The following NCKAP5 variants were observed in gnomAD, a reference collection of about 807,000 sequenced individuals.
NCKAP5 encodes NCK associated protein 5.
A neutral mutation model predicts 167.0 loss-of-function variants in NCKAP5; 92 were observed. The observed-to-expected ratio is 0.55, with a 90% CI of 0.47 to 0.66. The LOEUF (loss-of-function observed/expected upper bound fraction) is 0.66, where lower values mean the gene tolerates loss of function less well. Among genes scored for constraint, NCKAP5 ranks in the 30% least tolerant of loss-of-function variants. NCKAP5 has a pLI of 0.00. For missense variants in NCKAP5, 2,378 were observed against 2,315.0 expected (o/e 1.03, Z -0.56); for synonymous variants, 891 against 877.4 (o/e 1.02, Z -0.27).
chr2:132,931,086 C>G (rs1158082124), intron 8 of NCKAP5: 1 of 152,134 alleles, frequency 6.6e-6, no homozygotes, highest in Non-Finnish European at 1.5e-5. Flanking sequence ...CTCTGGCTAC[C>G]CTGACTTTTA....
At chr2:132,748,308 A>G (rs1679820254) in intron 16 of NCKAP5, among the ~76,000 whole-genome samples, 1 of 152,208 alleles carries the variant, frequency 6.6e-6, no homozygotes. Context: ...ACAAATTTGT[A>G]TCTCTTGGAA....
intron 3 of NCKAP5, among the ~76,000 whole-genome samples, chr2:133,361,093 T>A (rs899579979): frequency 1.3e-5 from 2 of 151,928 alleles, no homozygotes; most frequent in Non-Finnish European, 2.9e-5. Context: ...TACCACAGGG[T>A]TAACCAAAGG....
At chr2:133,352,006 TC>T (rs1277805366) in intron 3 of NCKAP5, among the ~76,000 whole-genome samples, 4 of 152,136 alleles carry the variant, frequency 2.6e-5, no homozygotes, top group Admixed American at 6.6e-5. Context: ...TCCAAGGTTT[TC>T]CATTTTCTAT....
intron 16 of NCKAP5, among the ~76,000 whole-genome samples, chr2:132,765,988 A>C (rs1681440693): frequency 6.6e-6 from 1 of 152,132 alleles, no homozygotes; most frequent in African/African-American, 2.4e-5. Flanking sequence ...AATGAAAATC[A>C]TGAGGAATGT....
intron 3 of NCKAP5, among the ~76,000 whole-genome samples, chr2:133,316,381 G>A (rs1450577908): frequency 6.6e-6 from 1 of 152,108 alleles, no homozygotes; most frequent in East Asian, 1.9e-4. Context: ...ACTCTTTTAG[G>A]AAAACCTAGA....
At chr2:133,434,729 T>C (rs1288873875) in intron 3 of NCKAP5, among the ~76,000 whole-genome samples, 2 of 152,214 alleles carry the variant, frequency 1.3e-5, no homozygotes, top group Non-Finnish European at 1.5e-5. Context: ...TTCCAGCACA[T>C]AGTAGGTGAT....
At position 132,785,159 on chromosome 2, in the gene NCKAP5, C is replaced by A. The variant is rs1364115106; in HGVS notation, c.1652G>T (p.Cys551Phe). The change falls in exon 14 of 20, where the codon TGC becomes TTC. Residue 551 changes from cysteine (C) to phenylalanine (F), a missense_variant. Transcript: ENST00000409261. ...ASSCPLEMKL[C>F]PSVQTPQVQR... The stretch of plus-strand genomic sequence containing the variant: ...TACCTGAGGCGTCTGCACACTTGGG[C>A]ACAGCTTCATCTCTAAGGGACAGCT... The A allele has an allele frequency of 6.2e-7, 1 of 1,604,182 alleles. No homozygotes were observed. The highest frequency in any genetic ancestry group is 1.7e-5 in the Admixed American group (1 of 57,822).
chr2:132,920,659 TTA>T lies in NCKAP5; in HGVS notation c.580-41745_580-41744del, dbSNP rs371454572. Among the ~76,000 whole-genome samples the T allele has an allele frequency of 9.4e-4, 77 of 81,966 alleles. 5 individuals are homozygous for T. The highest frequency in any genetic ancestry group is 6.3e-3 in the Middle Eastern group (1 of 160). 53.8% of individuals were successfully genotyped at this position (81,966 alleles called of 152,430 possible). A position where few individuals can be genotyped will look rare whatever the true frequency, so the allele number is the denominator to read the frequency against. ...AGAGCTTATATATATATGGAAGAACTTATATATATATATATATATAAGTTAGT... is the reference window on the plus strand; with the variant it reads ...AGAGCTTATATATATATGGAAGAACTTATATATATATATATATAAGTTAGT... On this transcript the variant is annotated intron_variant, in intron 8 of 19. Coordinates refer to ENST00000409261, the MANE Select transcript of NCKAP5 (RefSeq NM_207363.3).
intron 3 of NCKAP5, among the ~76,000 whole-genome samples, chr2:133,384,522 C>A (rs112835885): frequency 6.6e-6 from 1 of 152,094 alleles, no homozygotes; most frequent in Non-Finnish European, 1.5e-5. Flanking sequence ...TGGCTTAGGA[C>A]TGACTTGGCA....
At chr2:132,812,354 T>A (rs768583285) in intron 11 of NCKAP5, among the ~76,000 whole-genome samples, 1 of 152,210 alleles carries the variant, frequency 6.6e-6, no homozygotes, top group Non-Finnish European at 1.5e-5. Flanking sequence ...AGGTAGAAAC[T>A]ATTATCAACT....
chr2:133,611,422 T>C, the NCKAP5 span, among the ~76,000 whole-genome samples: 1 of 152,206 alleles, frequency 6.6e-6, no homozygotes, highest in African/African-American at 2.4e-5. Flanking sequence ...TTGCATTTGA[T>C]TGCTTTCCTT....
At chr2:133,035,438 T>A (rs1307471655) in intron 6 of NCKAP5, among the ~76,000 whole-genome samples, 1 of 152,018 alleles carries the variant, frequency 6.6e-6, no homozygotes, top group Non-Finnish European at 1.5e-5. Flanking sequence ...GAATATTTCA[T>A]CCAAGAGCTA....
At position 132,783,362 on chromosome 2, in the gene NCKAP5, A is replaced by G; in HGVS notation, c.3449T>C (p.Leu1150Pro). 1 of 1,611,488 alleles carries G rather than the reference A, an allele frequency of 6.2e-7. No individual in the cohort carries two copies. The highest frequency in any genetic ancestry group is 8.5e-7 in the Non-Finnish European group (1 of 1,178,890). The change falls in exon 14 of 20, where the codon CTC becomes CCC. Residue 1150 changes from leucine (L) to proline (P), a missense_variant. By Grantham distance (98) the Leu-to-Pro change is moderately conservative. This residue lies in a region of NCKAP5 where 1,325 missense variants were observed against 1,274.5 expected (regional missense o/e 1.04). Transcript: ENST00000409261. ...KGLKTRLPVG[L>P]KVLMKSPQLL... ...CTGGGGAGACTTCATGAGCACTTTGAGTCCCACTGGAAGGCGAGTTTTCAG... is the reference window on the plus strand; with the variant it reads ...CTGGGGAGACTTCATGAGCACTTTGGGTCCCACTGGAAGGCGAGTTTTCAG...
intron 10 of NCKAP5, among the ~76,000 whole-genome samples, chr2:132,861,573 C>T (rs531121221): frequency 1.8e-4 from 27 of 152,202 alleles, no homozygotes; most frequent in African/African-American, 5.8e-4. Context: ...TAAAGCTCTA[C>T]GCATTCCTTC....
chr2:132,900,922 T>C (rs897920600), intron 8 of NCKAP5, among the ~76,000 whole-genome samples: 1 of 140,734 alleles, frequency 7.1e-6, no homozygotes, highest in Non-Finnish European at 1.5e-5. Context: ...GCTGAGATCA[T>C]GTCACTGCAC....
rs1429561065 is a variant in NCKAP5 at position 132,878,878 on chromosome 2, T to C, written c.618A>G (p.Gln206=). 1 of 1,613,828 alleles carries C rather than the reference T, an allele frequency of 6.2e-7. No homozygotes were observed. Among genetic ancestry groups the C allele is most frequent in the East Asian group, 2.2e-5 (1 of 44,882 alleles). Residue 206 remains glutamine (Q), a synonymous_variant, in exon 9 of 20, where the codon CAA becomes CAG. Coordinates refer to ENST00000409261, the MANE Select transcript of NCKAP5 (RefSeq NM_207363.3). ...CAAGACATCGCTCATATTGTTCCCT[T>C]TGATTTTCATTCTCCAAAGCCAACG... is the stretch of plus-strand genomic sequence containing the variant. ...NSALALENEN[Q]REQYERCLDE...
chr2:133,252,263 T>G (rs1166270934), intron 4 of NCKAP5, among the ~76,000 whole-genome samples: 1 of 152,058 alleles, frequency 6.6e-6, no homozygotes, highest in Non-Finnish European at 1.5e-5. Context: ...TAAGGATTAC[T>G]TAGAAGAGCT....
At chr2:133,615,701 G>A in the NCKAP5 span, among the ~76,000 whole-genome samples, 1 of 152,080 alleles carries the variant, frequency 6.6e-6, no homozygotes, top group Non-Finnish European at 1.5e-5. Flanking sequence ...CATTAATAAT[G>A]GGAGACTTTA....
chr2:133,581,375 C>T, the NCKAP5 span, among the ~76,000 whole-genome samples: 10,487 of 152,180 alleles, frequency 0.069, 437 homozygotes, highest in Middle Eastern at 0.14. Context: ...GAAGAACATG[C>T]TGGCTAATTT....
Sources: gnomAD v4.1 joint callset for allele counts (sites outside exome capture counted in the v4.1 genomes callset) on GRCh38, gnomAD v4.1.1 for gene constraint, gnomAD v4.1.1 regional missense constraint, MANE v1.5 for transcripts, NCBI Gene and HGNC (gene_info 2026-07-23, HGNC 2026-07-21) for gene names.